The following NSL1 variants were observed in gnomAD, a reference collection of about 807,000 sequenced individuals.
NSL1 encodes the protein kinetochore-associated protein NSL1 homolog.
A neutral mutation model predicts 25.4 loss-of-function variants in NSL1; 11 were observed. That is an observed-to-expected ratio of 0.43 (90% CI 0.27 to 0.72). NSL1 has a LOEUF of 0.72. Ranked by LOEUF, NSL1 falls within the 30% of genes least tolerant of loss-of-function variation. The pLI, the probability that NSL1 is intolerant of heterozygous loss-of-function variation, is 0.19. For synonymous variants in NSL1, 118 were observed against 120.6 expected, an observed-to-expected ratio of 0.98 and a Z score of 0.14; for missense variants, 330 against 342.7, an observed-to-expected ratio of 0.96 and a Z score of 0.29.
chr1:212,734,301 A>G lies in NSL1; in HGVS notation c.*4107T>C, dbSNP rs1658146003. ...CCAGCAATTATTCCAGGTGGATGGA[A>G]CAAAGATTCCTGCCATTAAGGGACT... is the stretch of plus-strand genomic sequence containing the variant. On this transcript the variant is annotated 3_prime_UTR_variant, in exon 6 of 6. Transcript: ENST00000366977. Among the ~76,000 whole-genome samples the G allele has an allele frequency of 6.6e-6, 1 of 152,184 alleles. No homozygotes were observed. Among genetic ancestry groups the G allele is most frequent in the Non-Finnish European group, 1.5e-5 (1 of 68,028 alleles).
chr1:212,742,538 G>A (rs981060208), intron 4 of NSL1, among the ~76,000 whole-genome samples: 2 of 152,120 alleles, frequency 1.3e-5, no homozygotes, highest in African/African-American at 4.8e-5. Flanking sequence ...GAAAAAGTGC[G>A]AGATTAAAGT....
Position 212,729,065 on chromosome 1 carries a change from G to A in NSL1, c.*9343C>T. The A allele has an allele frequency of 1.0e-6, 1 of 985,374 alleles. No homozygotes were observed. Among genetic ancestry groups the A allele is most frequent in the Non-Finnish European group, 1.2e-6 (1 of 829,886 alleles). 61.0% of individuals were successfully genotyped at this position (985,374 alleles called of 1,614,324 possible). A position where few individuals can be genotyped will look rare whatever the true frequency, so the allele number is the denominator to read the frequency against. ...AAGAATACTTGGGTTGGGCTTACAAGAAAAATAAATTGCAGTAAGTGTTAA... is the reference window on the plus strand; with the variant it reads ...AAGAATACTTGGGTTGGGCTTACAAAAAAAATAAATTGCAGTAAGTGTTAA... On this transcript the variant is annotated 3_prime_UTR_variant, in exon 6 of 6. Coordinates refer to ENST00000366977, the MANE Select transcript of NSL1 (RefSeq NM_015471.4).
chr1:212,762,177 A>C (rs1166565584), intron 4 of NSL1, among the ~76,000 whole-genome samples: 1 of 151,788 alleles, frequency 6.6e-6, no homozygotes, highest in Non-Finnish European at 1.5e-5. Context: ...GCATGCCTAT[A>C]ATCTCAGCTA....
At chr1:212,750,022 A>G (rs1460291128) in intron 4 of NSL1, among the ~76,000 whole-genome samples, 1 of 151,300 alleles carries the variant, frequency 6.6e-6, no homozygotes, top group Non-Finnish European at 1.5e-5. Context: ...AGGGTCCACT[A>G]GAGGGCAGTA....
Position 212,735,114 on chromosome 1 carries a change from C to CATT in NSL1, c.*3293_*3294insAAT, listed in dbSNP as rs1553250631. Among the ~76,000 whole-genome samples the CATT allele has an allele frequency of 1.3e-5, 2 of 152,202 alleles. No individual in the cohort carries two copies. The highest frequency in any genetic ancestry group is 2.9e-5 in the Non-Finnish European group (2 of 68,030). ...ATGTAACTTGCCCAATGTCACTGAA[C>CATT]TAATAATGGTAGAACTGCAATCTGA... is the stretch of plus-strand genomic sequence containing the variant. On this transcript the variant is annotated 3_prime_UTR_variant, in exon 6 of 6. Coordinates refer to ENST00000366977, the MANE Select transcript of NSL1 (RefSeq NM_015471.4).
chr1:212,784,324 TA>T, intron 3 of NSL1, 38 bp downstream of exon 3: 1 of 1,420,404 alleles, frequency 7.0e-7, no homozygotes. Context: ...TTTATTGTGG[TA>T]AAATATACTA....
Position 212,731,377 on chromosome 1 carries a change from G to A in NSL1, c.*7031C>T, listed in dbSNP as rs1019926071. On this transcript the variant is annotated 3_prime_UTR_variant, in exon 6 of 6. Coordinates refer to ENST00000366977, the MANE Select transcript of NSL1 (RefSeq NM_015471.4). ...TCAAGACCAGCCGGGGCAATATGGC[G>A]AGACCCCATCTCTAAAACAAATAAA... 6.5e-5 allele frequency: 64 copies of A among 981,756 alleles called. No homozygotes were observed. Among genetic ancestry groups the A allele is most frequent in the Middle Eastern group, 5.3e-4 (1 of 1,902 alleles). 60.8% of individuals were successfully genotyped at this position (981,756 alleles called of 1,614,324 possible). A position where few individuals can be genotyped will look rare whatever the true frequency, so the allele number is the denominator to read the frequency against.
intron 4 of NSL1, among the ~76,000 whole-genome samples, chr1:212,749,974 T>C (rs1264302626): frequency 6.7e-6 from 1 of 149,612 alleles, no homozygotes; most frequent in Non-Finnish European, 1.5e-5. Flanking sequence ...CACTTTCCCA[T>C]TAATATGGCA....
At chr1:212,742,217 T>A (rs1179383421) in intron 4 of NSL1, among the ~76,000 whole-genome samples, 1 of 152,174 alleles carries the variant, frequency 6.6e-6, no homozygotes, top group African/African-American at 2.4e-5. Context: ...ACCAAAGACA[T>A]AATGAAGTAC....
rs566439967 is a variant in NSL1, at chr1:212,730,955, A to T, written c.*7453T>A. The stretch of plus-strand genomic sequence containing the variant: ...TTTGCAATATGAACTCATTCATTCA[A>T]CGAATATTAGTTTACAGCCCATGGG... On this transcript the variant is annotated 3_prime_UTR_variant, in exon 6 of 6. Coordinates refer to ENST00000366977, the MANE Select transcript of NSL1 (RefSeq NM_015471.4). 1 of 985,448 alleles carries T rather than the reference A, an allele frequency of 1.0e-6. No homozygotes were observed. The highest frequency in any genetic ancestry group is 1.1e-4 in the East Asian group (1 of 8,824). 61.0% of individuals were successfully genotyped at this position (985,448 alleles called of 1,614,324 possible).
chr1:212,766,065 G>A, intron 4 of NSL1: 2 of 368,340 alleles, frequency 5.4e-6, no homozygotes, highest in East Asian at 4.1e-5. Flanking sequence ...GAACCTGGGA[G>A]GTGGAGCTTG....
intron 2 of NSL1, 104 bp downstream of exon 2, chr1:212,787,455 G>T: frequency 1.4e-6 from 1 of 714,216 alleles, no homozygotes. Context: ...ACAACTTCTT[G>T]AAAATAAATG....
At chr1:212,764,636 A>T (rs1251802680) in intron 4 of NSL1, among the ~76,000 whole-genome samples, 1 of 152,102 alleles carries the variant, frequency 6.6e-6, no homozygotes, top group African/African-American at 2.4e-5. Flanking sequence ...ACTTGAGGTC[A>T]GGAGTTTGTG....
In NSL1 at chr1:212,750,301, G is replaced by A. The variant is rs189793998; in HGVS notation, c.500-10700C>T. On this transcript the variant is annotated intron_variant, in intron 4 of 5. Transcript: ENST00000366977. ...AAAGTTGCCTTAATAGAGGATTTGG[G>A]GCTAGGTGAGCTGGGAGGAGGTGGG... is the stretch of plus-strand genomic sequence containing the variant. Among the ~76,000 whole-genome samples the A allele has an allele frequency of 6.4e-4, 98 of 152,062 alleles. 1 individual carries two copies. The highest frequency in any genetic ancestry group is 7.8e-4 in the Non-Finnish European group (53 of 67,972).
chr1:212,740,022 A>G (rs927717949), intron 4 of NSL1, among the ~76,000 whole-genome samples: 1 of 152,228 alleles, frequency 6.6e-6, no homozygotes, highest in African/African-American at 2.4e-5. Flanking sequence ...AGATGGAATT[A>G]ATCTGGAACA....
At chr1:212,773,288 T>C (rs1018414638) in intron 4 of NSL1, among the ~76,000 whole-genome samples, 6 of 151,880 alleles carry the variant, frequency 4.0e-5, no homozygotes, top group African/African-American at 1.2e-4. Context: ...ATTCATCCAA[T>C]GGGGGACTAG....
intron 4 of NSL1, among the ~76,000 whole-genome samples, chr1:212,758,251 C>A (rs1356130083): frequency 1.3e-5 from 2 of 151,986 alleles, no homozygotes; most frequent in Middle Eastern, 3.4e-3. Flanking sequence ...AGAGAAAATC[C>A]GAAAAGTCAG....
chr1:212,758,983 T>G (rs1358341751), intron 4 of NSL1, among the ~76,000 whole-genome samples: 4 of 152,188 alleles, frequency 2.6e-5, no homozygotes, highest in Non-Finnish European at 1.5e-5. Flanking sequence ...AATCTACATA[T>G]TACAGTCAAC....
intron 2 of NSL1, among the ~76,000 whole-genome samples, 190 bp downstream of exon 2, chr1:212,787,369 C>T (rs1287260750): frequency 6.6e-6 from 1 of 152,114 alleles, no homozygotes; most frequent in Non-Finnish European, 1.5e-5. Context: ...GATAGCTCTA[C>T]AGTATTTTCC....
Sources: allele counts gnomAD v4.1 joint callset (sites outside exome capture counted in the v4.1 genomes callset), GRCh38; gene constraint gnomAD v4.1.1; transcripts MANE v1.5; gene names NCBI Gene and HGNC (gene_info 2026-07-23, HGNC 2026-07-21).